CRISPLD2: variants seen among roughly 807,000 people sequenced by gnomAD.
CRISPLD2 encodes cysteine rich secretory protein LCCL domain containing 2.
A neutral mutation model predicts 71.1 loss-of-function variants in CRISPLD2; 47 were observed. That is an observed-to-expected ratio of 0.66 (90% CI 0.52 to 0.84). CRISPLD2 has a LOEUF of 0.84. CRISPLD2 is among the 40% of genes least tolerant of loss of function. CRISPLD2 has a pLI of 0.00. For missense variants in CRISPLD2, 830 were observed against 651.1 expected, an observed-to-expected ratio of 1.27 and a Z score of -2.99; for synonymous variants, 317 against 250.1, an observed-to-expected ratio of 1.27 and a Z score of -2.52.
chr16:84,854,913 T>G, intron 6 of CRISPLD2, 84 bp downstream of exon 6: 13 of 1,079,440 alleles, frequency 1.2e-5, no homozygotes, highest in Non-Finnish European at 1.9e-5. Context: ...ACAGGGGAAT[T>G]AAAGAAGTCA....
chr16:84,838,654 G>T lies in CRISPLD2; in HGVS notation c.159G>T (p.Arg53Ser), dbSNP rs773272524. The T allele has an allele frequency of 1.2e-6, 2 of 1,614,242 alleles. No homozygotes were observed. The highest frequency in any genetic ancestry group is 1.7e-6 in the Non-Finnish European group (2 of 1,180,044). The change falls in exon 2 of 15, where the codon AGG (arginine) becomes AGT (serine). Residue 53 changes from arginine (R) to serine (S), a missense_variant. Coordinates refer to ENST00000262424, the MANE Select transcript of CRISPLD2 (RefSeq NM_031476.4). ...CCCGGGTCCGCAGAGCCATCCCCAG[G>T]GAGGACAAGGAGGAGATCCTCATGC... The part of the protein sequence containing the change: ...SHSRVRRAIP[R>S]EDKEEILMLH...
At chr16:84,826,575 C>A (rs2143136394) in intron 1 of CRISPLD2, among the ~76,000 whole-genome samples, 1 of 152,062 alleles carries the variant, frequency 6.6e-6, no homozygotes, top group East Asian at 1.9e-4. Context: ...CCCAGGCCTG[C>A]TGCCCACACA....
intron 5 of CRISPLD2, among the ~76,000 whole-genome samples, chr16:84,853,656 A>G (rs953822936): frequency 6.6e-6 from 1 of 152,286 alleles, no homozygotes; most frequent in South Asian, 2.1e-4. Context: ...TTTGGCCAGC[A>G]CTGGCAGGGC....
At chr16:84,839,645 C>T (rs1170352259) in intron 2 of CRISPLD2, 1 of 152,384 alleles carries the variant, frequency 6.6e-6, no homozygotes, top group Admixed American at 6.5e-5. Flanking sequence ...CCCCAAGCTC[C>T]AGTGTGGAAA....
intron 14 of CRISPLD2, among the ~76,000 whole-genome samples, chr16:84,901,032 C>G (rs552711700): frequency 1.7e-4 from 26 of 149,702 alleles, no homozygotes; most frequent in African/African-American, 6.5e-4. Context: ...CACACACACA[C>G]ACACACACAC....
Position 84,889,271 on chromosome 16 carries a change from C to A in CRISPLD2, c.1347C>A (p.Ile449=). ...AGACAGCCGTGCACGCGGGAGTCAT[C>A]AGCAACGAGAGTGGGGGTGACGTGG... The part of the protein sequence containing the change: ...ICKTAVHAGV[I]SNESGGDVDV... Residue 449 remains isoleucine, a synonymous_variant, in exon 14 of 15, where the codon ATC becomes ATA. Transcript: ENST00000262424. 1.2e-6 allele frequency: 2 copies of A among 1,614,108 alleles called. No individual in the cohort carries two copies. The highest frequency in any genetic ancestry group is 1.7e-6 in the Non-Finnish European group (2 of 1,180,022).
In CRISPLD2 at chr16:84,873,349, G is replaced by A. The variant is rs1420791574; in HGVS notation, c.1112+227G>A. 5 of 351,438 alleles carry A rather than the reference G, an allele frequency of 1.4e-5. No individual in the cohort carries two copies. The South Asian group carries it at 1.7e-4, about 12-fold the overall frequency. 21.8% of individuals were successfully genotyped at this position (351,438 alleles called of 1,614,324 possible). ...AAAAGTTAGCCAGGCGTGGTGGCAG[G>A]CACCTGTAATCCCAGCTACTCTCAG... is the stretch of plus-strand genomic sequence containing the variant. On this transcript the variant is annotated intron_variant, in intron 10 of 14. Transcript: ENST00000262424.
intron 6 of CRISPLD2, among the ~76,000 whole-genome samples, chr16:84,857,221 G>A (rs1303888219): frequency 6.6e-6 from 1 of 152,186 alleles, no homozygotes; most frequent in East Asian, 1.9e-4. Context: ...CTGCCAACAC[G>A]GCTACTTTGT....
chr16:84,842,564 G>A (rs1382986203), intron 2 of CRISPLD2, among the ~76,000 whole-genome samples: 1 of 151,552 alleles, frequency 6.6e-6, no homozygotes, highest in Non-Finnish European at 1.5e-5. Flanking sequence ...GGTAGAGGCG[G>A]GGTTTCACCA....
intron 2 of CRISPLD2, among the ~76,000 whole-genome samples, 177 bp from the exon 3 acceptor site, chr16:84,845,609 G>A (rs1055002358): frequency 6.6e-6 from 1 of 152,268 alleles, no homozygotes; most frequent in African/African-American, 2.4e-5. Context: ...GATAGGCTTG[G>A]AGCCGGCACG....
At chr16:84,850,004 T>C (rs12935642) in intron 4 of CRISPLD2, among the ~76,000 whole-genome samples, 1 of 151,574 alleles carries the variant, frequency 6.6e-6, no homozygotes, top group African/African-American at 2.4e-5. Context: ...GGGATTACAG[T>C]TGTGAGCTAC....
intron 5 of CRISPLD2, 144 bp from the exon 6 acceptor site, chr16:84,854,585 T>C (rs1382494148): frequency 7.4e-6 from 5 of 671,386 alleles, no homozygotes; most frequent in Non-Finnish European, 1.1e-5. Context: ...GATAGCCATC[T>C]TTCCCGCTTC....
At chr16:84,864,239 A>G (rs1219889150) in intron 6 of CRISPLD2, among the ~76,000 whole-genome samples, 1 of 152,118 alleles carries the variant, frequency 6.6e-6, no homozygotes, top group Non-Finnish European at 1.5e-5. Flanking sequence ...AGGTGTCTTC[A>G]TTAGGAGGTA....
chr16:84,875,923 A>C (rs113598350), intron 11 of CRISPLD2, among the ~76,000 whole-genome samples: 3 of 152,038 alleles, frequency 2.0e-5, no homozygotes, highest in African/African-American at 7.2e-5. Context: ...TCCCCATTGA[A>C]TAGAAGTCCC....
chr16:84,881,458 A>T (rs2172622), intron 13 of CRISPLD2, among the ~76,000 whole-genome samples: 26,839 of 151,976 alleles, frequency 0.18, 2,592 homozygotes, highest in Admixed American at 0.26. Flanking sequence ...GGGTTTGGGG[A>T]CATGGTGACC....
At chr16:84,871,606 C>T (rs989196276) in intron 8 of CRISPLD2, among the ~76,000 whole-genome samples, 1 of 151,932 alleles carries the variant, frequency 6.6e-6, no homozygotes, top group Non-Finnish European at 1.5e-5. Context: ...GGCTGGAGTG[C>T]AGTGGCACGA....
chr16:84,873,893 GTTTTTTTT>G lies in CRISPLD2; in HGVS notation c.1113-14_1113-7del. 1 of 1,419,632 alleles carries G rather than the reference GTTTTTTTT, an allele frequency of 7.0e-7. No individual in the cohort carries two copies. Among genetic ancestry groups the G allele is most frequent in the Non-Finnish European group, 9.5e-7 (1 of 1,057,274 alleles). 87.9% of individuals were successfully genotyped at this position (1,419,632 alleles called of 1,614,324 possible). Reference sequence around the variant, plus strand: ...TTCTATTTGCATTTACCTAATGCCCGTTTTTTTTTTTTTTTTTTTTAAACAGCAAATAC... The same window carrying G: ...TTCTATTTGCATTTACCTAATGCCCGTTTTTTTTTTTTAAACAGCAAATAC... On this transcript the variant is annotated intron_variant, in intron 10 of 14. Transcript: ENST00000262424.
intron 13 of CRISPLD2, among the ~76,000 whole-genome samples, chr16:84,887,946 G>T (rs1327678561): frequency 6.6e-6 from 1 of 152,212 alleles, no homozygotes; most frequent in Non-Finnish European, 1.5e-5. Context: ...AAATCAGATC[G>T]CTAGATCCAC....
intron 12 of CRISPLD2, among the ~76,000 whole-genome samples, chr16:84,879,516 C>T (rs1423905543): frequency 6.6e-6 from 1 of 152,196 alleles, no homozygotes; most frequent in Non-Finnish European, 1.5e-5. Flanking sequence ...GCCTGCACCA[C>T]CACGCCTGGC....
Sources: gnomAD v4.1 joint callset for allele counts (sites outside exome capture counted in the v4.1 genomes callset) on GRCh38, gnomAD v4.1.1 for gene constraint, MANE v1.5 for transcripts, NCBI Gene and HGNC (gene_info 2026-07-23, HGNC 2026-07-21) for gene names.